Variants in COL4A3 observed in about 807,000 individuals in gnomAD.
The protein encoded by COL4A3 is collagen type IV alpha 3 chain.
A neutral mutation model predicts 217.4 loss-of-function variants in COL4A3; 135 were observed. The ratio of observed to expected loss-of-function variants is 0.62; its 90% CI spans 0.54 to 0.72. COL4A3 has a LOEUF of 0.72. Among genes scored for constraint, COL4A3 ranks in the 30% least tolerant of loss-of-function variants. The pLI is 0.00. For missense variants in COL4A3, 1,868 were observed against 2,119.9 expected (o/e 0.88, Z 2.33); for synonymous variants, 690 against 736.3 (o/e 0.94, Z 1.02).
Position 227,312,532 on chromosome 2 carries a change from G to T in COL4A3, c.*662G>T, listed in dbSNP as rs1201759918. 2 of 152,110 alleles carry T rather than the reference G, an allele frequency of 1.3e-5. No homozygotes were observed. Among genetic ancestry groups the T allele is most frequent in the Non-Finnish European group, 2.9e-5 (2 of 68,018 alleles). The allele number at this position is 152,110 out of a possible 1,614,324, so 9.4% of individuals were successfully genotyped here. On this transcript the variant is annotated 3_prime_UTR_variant, in exon 52 of 52. Transcript: ENST00000396578. ...TGTATGGTTTTGTTTTGTTTTGTTG[G>T]TTTTTAAAGATTTTTGTTTGTTTAT...
At position 227,191,438 on chromosome 2, in the gene COL4A3, G is replaced by C. The variant is rs1299908629; in HGVS notation, c.87+26625G>C. ...AAGCTAAGAAGTGTTTTGAAAAGCAGTTCACAAAATCACTCTTTACCAGCC... is the reference window on the plus strand; with the variant it reads ...AAGCTAAGAAGTGTTTTGAAAAGCACTTCACAAAATCACTCTTTACCAGCC... On this transcript the variant is annotated intron_variant, in intron 1 of 51. Transcript: ENST00000396578. The surrounding 1 kb of genome is among the most constrained non-coding windows in gnomAD (Gnocchi z 6.8). Among the ~76,000 whole-genome samples the C allele has an allele frequency of 2.0e-5, 3 of 152,194 alleles. No homozygotes were observed. Among genetic ancestry groups the C allele is most frequent in the African/African-American group, 7.2e-5 (3 of 41,450 alleles).
intron 1 of COL4A3, among the ~76,000 whole-genome samples, chr2:227,216,427 T>G (rs545036780): frequency 4.5e-4 from 69 of 152,334 alleles, no homozygotes; most frequent in Admixed American, 1.2e-3. Context: ...CCCTCAGACC[T>G]TACCGCATCT....
rs140586074 is a variant in COL4A3 at position 227,216,384 on chromosome 2, T to C, written c.88-21584T>C. 4.6e-3 allele frequency among the ~76,000 whole-genome samples: 706 copies of C among 152,316 alleles called. 8 individuals carry two copies. Among genetic ancestry groups the C allele is most frequent in the African/African-American group, 0.016 (675 of 41,572 alleles). ...AGACAAACAAAAACCAGGACAATAC[T>C]ACAAAGATTCTGCACTTCATTTGTA... On this transcript the variant is annotated intron_variant, in intron 1 of 51. Coordinates refer to ENST00000396578, the MANE Select transcript of COL4A3 (RefSeq NM_000091.5).
chr2:227,190,879 A>G (rs2066211971), intron 1 of COL4A3, among the ~76,000 whole-genome samples: 1 of 152,212 alleles, frequency 6.6e-6, no homozygotes. Context: ...TGCACTCCAG[A>G]CTGGGTAACA....
At chr2:227,178,716 T>TG (rs1366497822) in intron 1 of COL4A3, among the ~76,000 whole-genome samples, 1 of 151,740 alleles carries the variant, frequency 6.6e-6, no homozygotes, top group African/African-American at 2.4e-5. Context: ...TTTTTGTTTT[T>TG]TTTTTGTATT....
rs1270831735 is a variant in COL4A3 at position 227,303,177 on chromosome 2, C to A, written c.3955+67C>A. The A allele has an allele frequency of 6.6e-6, 9 of 1,371,896 alleles. No homozygotes were observed. The East Asian group carries it at 1.6e-4, about 24-fold the overall frequency. 85.0% of individuals were successfully genotyped at this position (1,371,896 alleles called of 1,614,324 possible). On this transcript the variant is annotated intron_variant, in intron 44 of 51. Coordinates refer to ENST00000396578, the MANE Select transcript of COL4A3 (RefSeq NM_000091.5). The stretch of plus-strand genomic sequence containing the variant: ...ACCTCAATTCATATTTTAGGGCACA[C>A]AAGTGTTTGCTGAAGTACAGACAGC...
At chr2:227,288,335 G>T (rs934217238) in intron 34 of COL4A3, among the ~76,000 whole-genome samples, 4 of 152,140 alleles carry the variant, frequency 2.6e-5, no homozygotes, top group Admixed American at 2.6e-4. Flanking sequence ...GACCTCAAAT[G>T]TTCTGCCCAC....
intron 1 of COL4A3, among the ~76,000 whole-genome samples, chr2:227,165,361 T>C (rs1050047271): frequency 3.3e-5 from 5 of 152,286 alleles, no homozygotes; most frequent in Non-Finnish European, 5.9e-5. Context: ...GAAAAGCAAA[T>C]GCTATCACTG....
chr2:227,196,564 G>A (rs966496001), intron 1 of COL4A3, among the ~76,000 whole-genome samples: 9 of 152,026 alleles, frequency 5.9e-5, no homozygotes, highest in African/African-American at 9.7e-5. Flanking sequence ...TGATCCGCCC[G>A]CCTCAGCCTC....
At chr2:227,237,271 G>A (rs1457699526) in intron 1 of COL4A3, among the ~76,000 whole-genome samples, 1 of 152,160 alleles carries the variant, frequency 6.6e-6, no homozygotes, top group Non-Finnish European at 1.5e-5. Flanking sequence ...GATGTGTAAT[G>A]GGTATTGATC....
intron 1 of COL4A3, among the ~76,000 whole-genome samples, chr2:227,178,626 A>C (rs1191015676): frequency 6.6e-6 from 1 of 152,016 alleles, no homozygotes; most frequent in Non-Finnish European, 1.5e-5. Flanking sequence ...TCTGCCTCCC[A>C]GGTTCAAGCA....
intron 1 of COL4A3, among the ~76,000 whole-genome samples, chr2:227,183,270 T>C (rs2065914316): frequency 6.6e-6 from 1 of 152,168 alleles, no homozygotes; most frequent in Admixed American, 6.5e-5. Flanking sequence ...CCATAAGAGA[T>C]GACCTCCCAC....
intron 1 of COL4A3, among the ~76,000 whole-genome samples, chr2:227,183,722 T>G (rs1559801471): frequency 6.6e-6 from 1 of 152,196 alleles, no homozygotes; most frequent in Non-Finnish European, 1.5e-5. Flanking sequence ...CTTTCCTACT[T>G]CTGGTGGTAG....
In COL4A3 at chr2:227,256,032, C is replaced by A; in HGVS notation, c.895C>A (p.Pro299Thr). The A allele has an allele frequency of 6.2e-7, 1 of 1,613,780 alleles. No homozygotes were observed. Among genetic ancestry groups the A allele is most frequent in the Non-Finnish European group, 8.5e-7 (1 of 1,179,814 alleles). The part of the protein sequence containing the change: ...APGDPGLQGK[P>T]GKDGVPGFPG... ...TGATTTGTTTTTGCTGTAGGGAAAA[C>A]CCGGAAAAGATGGTGTTCCTGGCTT... is the stretch of plus-strand genomic sequence containing the variant. The change falls in exon 16 of 52, where the codon CCC becomes ACC. Residue 299 changes from proline (P) to threonine (T), a missense_variant. Physicochemically the swap from Pro to Thr is conservative, Grantham distance 38 (BLOSUM62 -1). Transcript: ENST00000396578.
chr2:227,284,109 T>C (rs538963260), intron 33 of COL4A3, 102 bp from the exon 34 acceptor site: 2 of 1,497,496 alleles, frequency 1.3e-6, no homozygotes, highest in South Asian at 2.3e-5. Context: ...TTAGCCTTTT[T>C]TGTTTGATTT....
Position 227,239,193 on chromosome 2 carries a change from G to A in COL4A3, c.145-950G>A, listed in dbSNP as rs11693898. Among the ~76,000 whole-genome samples the A allele has an allele frequency of 1.1e-4, 17 of 151,852 alleles. 1 individual carries two copies. Among genetic ancestry groups the A allele is most frequent in the African/African-American group, 4.1e-4 (17 of 41,258 alleles). On this transcript the variant is annotated intron_variant, in intron 2 of 51. Coordinates refer to ENST00000396578, the MANE Select transcript of COL4A3 (RefSeq NM_000091.5). ...ACCAATGGCATACTGAAAATACTTC[G>A]GGGAGGGGGGGATATAATAAAAAAT...
intron 18 of COL4A3, among the ~76,000 whole-genome samples, chr2:227,258,043 G>A (rs192026830): frequency 1.2e-4 from 19 of 152,322 alleles, no homozygotes; most frequent in South Asian, 6.2e-4. Flanking sequence ...CAATCATTCC[G>A]GCCCAAGCTC....
chr2:227,251,095 G>A (rs374939021), intron 9 of COL4A3, 45 bp from the exon 10 acceptor site: 16 of 1,365,748 alleles, frequency 1.2e-5, no homozygotes, highest in Non-Finnish European at 1.6e-5. Flanking sequence ...GTTATTAAGT[G>A]AGAAGTAAAT....
chr2:227,207,539 T>C (rs2067147131), intron 1 of COL4A3, among the ~76,000 whole-genome samples: 1 of 152,180 alleles, frequency 6.6e-6, no homozygotes, highest in African/African-American at 2.4e-5. Context: ...CAGTACAGGC[T>C]TCCCACCTTA....
Sources: gnomAD v4.1 joint callset for allele counts (sites outside exome capture counted in the v4.1 genomes callset) on GRCh38, gnomAD v4.1.1 for gene constraint, Gnocchi (gnomAD v3.1) non-coding constraint, MANE v1.5 for transcripts, NCBI Gene and HGNC (gene_info 2026-07-23, HGNC 2026-07-21) for gene names.